CD2AP: variants seen among roughly 807,000 people sequenced by gnomAD.
CD2AP encodes the protein CD2 associated protein.
A neutral mutation model predicts 85.1 loss-of-function variants in CD2AP; 46 were observed. The ratio of observed to expected loss-of-function variants is 0.54; its 90% CI spans 0.43 to 0.69. CD2AP has a LOEUF of 0.69. Ranked by LOEUF, CD2AP falls within the 30% of genes least tolerant of loss-of-function variation. CD2AP has a pLI of 0.00. For missense variants in CD2AP, 769 were observed against 729.5 expected, an observed-to-expected ratio of 1.05 and a Z score of -0.62; for synonymous variants, 255 against 252.9, an observed-to-expected ratio of 1.01 and a Z score of -0.08.
rs1008693005 is a variant in CD2AP at position 47,506,675 on chromosome 6, C to G, written c.165+3235C>G. Reference sequence around the variant, plus strand: ...GCGTGGCGGCGCGTGCCTGCAATCGCAGGCATTCGGCAGAGTGAGGCAGGA... The same window carrying G: ...GCGTGGCGGCGCGTGCCTGCAATCGGAGGCATTCGGCAGAGTGAGGCAGGA... On this transcript the variant is annotated intron_variant, in intron 2 of 17. Coordinates refer to ENST00000359314, the MANE Select transcript of CD2AP (RefSeq NM_012120.3). 1.5e-5 allele frequency among the ~76,000 whole-genome samples: 2 copies of G among 136,522 alleles called. 1 individual carries two copies. Among genetic ancestry groups the G allele is most frequent in the Admixed American group, 1.4e-4 (2 of 13,798 alleles). 89.6% of individuals were successfully genotyped at this position (136,522 alleles called of 152,430 possible).
intron 2 of CD2AP, among the ~76,000 whole-genome samples, chr6:47,532,376 TAC>T (rs10522555): frequency 0.016 from 2,244 of 141,936 alleles, 45 homozygotes; most frequent in African/African-American, 0.046. Context: ...TATATATGTA[TAC>T]ACACACACAC....
At chr6:47,593,180 A>C (rs1768848774) in intron 11 of CD2AP, among the ~76,000 whole-genome samples, 1 of 152,182 alleles carries the variant, frequency 6.6e-6, no homozygotes, top group Non-Finnish European at 1.5e-5. Context: ...ATGAATCTAG[A>C]GAAAAGTATT....
intron 10 of CD2AP, 51 bp downstream of exon 10, chr6:47,580,951 C>G (rs376265655): frequency 2.8e-4 from 355 of 1,281,392 alleles, no homozygotes; most frequent in Non-Finnish European, 3.2e-4. Context: ...TTTTAAAATT[C>G]TAAAATGGTA....
chr6:47,585,618 A>G (rs1051581867), intron 11 of CD2AP, among the ~76,000 whole-genome samples: 6 of 152,180 alleles, frequency 3.9e-5, no homozygotes, highest in Non-Finnish European at 7.4e-5. Flanking sequence ...AGGCCCGGGC[A>G]GCTACAATTT....
chr6:47,566,291 T>C (rs1767991508), intron 5 of CD2AP, among the ~76,000 whole-genome samples: 2 of 127,694 alleles, frequency 1.6e-5, no homozygotes, highest in Non-Finnish European at 3.3e-5. Context: ...TCTGTCTACC[T>C]GCTCATTAGA....
At chr6:47,608,120 T>C in intron 15 of CD2AP, 92 bp downstream of exon 15, 1 of 883,030 alleles carries the variant, frequency 1.1e-6, no homozygotes, top group Non-Finnish European at 1.9e-6. Flanking sequence ...TTAGGACGAA[T>C]TATTTTTTCT....
At chr6:47,597,693 G>A (rs1768988911) in intron 12 of CD2AP, among the ~76,000 whole-genome samples, 1 of 150,982 alleles carries the variant, frequency 6.6e-6, no homozygotes. Flanking sequence ...GGATGAGTCA[G>A]AAGGCAGTTA....
At chr6:47,610,288 G>A (rs1381226621) in intron 16 of CD2AP, among the ~76,000 whole-genome samples, 1 of 151,982 alleles carries the variant, frequency 6.6e-6, no homozygotes, top group African/African-American at 2.4e-5. Flanking sequence ...TTCTACAAAA[G>A]CCCAGTAGGT....
At chr6:47,486,579 T>C (rs1765570885) in intron 1 of CD2AP, among the ~76,000 whole-genome samples, 1 of 152,200 alleles carries the variant, frequency 6.6e-6, no homozygotes, top group Non-Finnish European at 1.5e-5. Flanking sequence ...GTACTGGCAG[T>C]AGTTAAGGTA....
chr6:47,505,340 TG>T (rs1320577602), intron 2 of CD2AP, among the ~76,000 whole-genome samples: 1 of 149,058 alleles, frequency 6.7e-6, no homozygotes, highest in Non-Finnish European at 1.5e-5. Flanking sequence ...AGCACAGGGT[TG>T]GGGGCAAGGT....
chr6:47,521,444 C>T (rs958377391), intron 2 of CD2AP, among the ~76,000 whole-genome samples: 6 of 151,888 alleles, frequency 4.0e-5, no homozygotes, highest in Non-Finnish European at 7.4e-5. Context: ...TCCAGCTACT[C>T]GGGAGGCTGA....
chr6:47,490,903 ATC>A (rs1765714769), intron 1 of CD2AP, among the ~76,000 whole-genome samples: 1 of 152,234 alleles, frequency 6.6e-6, no homozygotes, highest in South Asian at 2.1e-4. Flanking sequence ...AGATTTACTT[ATC>A]TCTGTTGAAA....
chr6:47,519,003 A>G (rs2114003648), intron 2 of CD2AP, among the ~76,000 whole-genome samples: 1 of 152,012 alleles, frequency 6.6e-6, no homozygotes, highest in East Asian at 1.9e-4. Flanking sequence ...TCTATTTGCC[A>G]CTCATTTATT....
At chr6:47,525,483 G>A (rs1302598236) in intron 2 of CD2AP, among the ~76,000 whole-genome samples, 4 of 151,968 alleles carry the variant, frequency 2.6e-5, no homozygotes, top group African/African-American at 9.7e-5. Context: ...ATTATTCTTT[G>A]CGACCTTTGA....
chr6:47,607,154 G>A (rs1038806424), intron 14 of CD2AP, among the ~76,000 whole-genome samples: 1 of 140,550 alleles, frequency 7.1e-6, no homozygotes, highest in Non-Finnish European at 1.5e-5. Flanking sequence ...TTTTGTGACT[G>A]AATAGTAGTC....
intron 1 of CD2AP, among the ~76,000 whole-genome samples, chr6:47,498,881 A>G (rs184777093): frequency 2.7e-4 from 41 of 152,224 alleles, no homozygotes; most frequent in Non-Finnish European, 4.0e-4. Context: ...TTTAGTGTGT[A>G]TTTTTAACAA....
intron 5 of CD2AP, among the ~76,000 whole-genome samples, chr6:47,556,470 C>A (rs189791865): frequency 1.3e-4 from 20 of 152,120 alleles, no homozygotes; most frequent in Admixed American, 2.0e-4. Context: ...GCCTCAGCCT[C>A]CCAAGCAGTT....
chr6:47,621,894 G>T (rs1769754741), intron 17 of CD2AP, among the ~76,000 whole-genome samples: 1 of 152,054 alleles, frequency 6.6e-6, no homozygotes, highest in Non-Finnish European at 1.5e-5. Context: ...AGTGGGCGGG[G>T]CCGTAGAACT....
At chr6:47,513,937 T>A (rs891530468) in intron 2 of CD2AP, among the ~76,000 whole-genome samples, 47 of 151,992 alleles carry the variant, frequency 3.1e-4, no homozygotes, top group Admixed American at 1.2e-3. Context: ...ATCTACCATG[T>A]TGTGTTTCAT....
Sources: gnomAD v4.1 joint callset for allele counts (sites outside exome capture counted in the v4.1 genomes callset) on GRCh38, gnomAD v4.1.1 for gene constraint, MANE v1.5 for transcripts, NCBI Gene and HGNC (gene_info 2026-07-23, HGNC 2026-07-21) for gene names.